The following CNIH3 variants were observed in gnomAD, a reference collection of about 807,000 sequenced individuals.
The protein encoded by CNIH3 is protein cornichon homolog 3.
Under a neutral mutation model 24.1 loss-of-function variants are expected in CNIH3, and 14 were observed. The ratio of observed to expected loss-of-function variants is 0.58; its 90% CI spans 0.38 to 0.91. The LOEUF (loss-of-function observed/expected upper bound fraction) is 0.91. CNIH3 is among the 40% of genes least tolerant of loss of function. The pLI is 0.00. For missense variants in CNIH3, 178 were observed against 196.8 expected (o/e 0.90, Z 0.57); for synonymous variants, 68 against 73.8 (o/e 0.92, Z 0.40).
intron 1 of CNIH3, among the ~76,000 whole-genome samples, chr1:224,655,597 G>A (rs1685059701): frequency 6.6e-6 from 1 of 152,192 alleles, no homozygotes; most frequent in African/African-American, 2.4e-5. Context: ...TGGAACACTA[G>A]GCCTTTCCTG....
chr1:224,544,594 T>C (rs1679632811), intron 2 of CNIH3, among the ~76,000 whole-genome samples: 1 of 151,990 alleles, frequency 6.6e-6, no homozygotes, highest in Non-Finnish European at 1.5e-5. Context: ...ACTCAAAGAT[T>C]GGTAATTTTA....
chr1:224,636,990 C>T (rs1175927538), intron 1 of CNIH3, among the ~76,000 whole-genome samples: 1 of 144,182 alleles, frequency 6.9e-6, no homozygotes, highest in African/African-American at 2.6e-5. Context: ...CTCGCATGGT[C>T]ACCTGGGCTG....
rs145391415 is a variant in CNIH3 at position 224,484,706 on chromosome 1, C to A, written n.204-31035C>A. On this transcript the variant is annotated intron_variant and non_coding_transcript_variant, in intron 1 of 5. Transcript: ENST00000471578. ...ATGGATGCTCTTCTCTGTGTTTCATCTTGGATATTTTGTGTTGATGTCTTC... is the reference window on the plus strand; with the variant it reads ...ATGGATGCTCTTCTCTGTGTTTCATATTGGATATTTTGTGTTGATGTCTTC... Among the ~76,000 whole-genome samples the A allele has an allele frequency of 3.0e-3, 460 of 152,230 alleles. 1 individual carries two copies. The highest frequency in any genetic ancestry group is 0.01 in the African/African-American group (427 of 41,548).
intron 1 of CNIH3, among the ~76,000 whole-genome samples, chr1:224,499,320 G>T (rs1677562170): frequency 6.6e-6 from 1 of 152,094 alleles, no homozygotes; most frequent in African/African-American, 2.4e-5. Flanking sequence ...GCAGGCCATT[G>T]GTTCTGATAA....
At chr1:224,472,592 C>T (rs146226795) in intron 1 of CNIH3, among the ~76,000 whole-genome samples, 1,604 of 152,160 alleles carry the variant, frequency 0.011, 12 homozygotes, top group Non-Finnish European at 0.015. Context: ...GCTATCAGGA[C>T]GCAAAGGCAT....
chr1:224,629,025 G>A (rs1254034544), intron 1 of CNIH3, among the ~76,000 whole-genome samples: 1 of 146,840 alleles, frequency 6.8e-6, no homozygotes, highest in Non-Finnish European at 1.5e-5. Flanking sequence ...TTCACCCCCC[G>A]AGACAGAATC....
rs1401791707 is a variant in CNIH3, at chr1:224,461,007, CT to C, written n.203+26158del. On this transcript the variant is annotated intron_variant and non_coding_transcript_variant, in intron 1 of 5. Transcript: ENST00000471578. Reference sequence around the variant, plus strand: ...ATATTTTATTTAAATTTAATTTTTTCTTTTTTTTTTTTTGAGATGGAGTCTC... The same window carrying C: ...ATATTTTATTTAAATTTAATTTTTTCTTTTTTTTTTTTGAGATGGAGTCTC... 1.5e-3 allele frequency among the ~76,000 whole-genome samples: 206 copies of C among 141,566 alleles called. No individual in the cohort carries two copies. The Middle Eastern group carries it at 0.015, about 11-fold the overall frequency. 92.9% of individuals were successfully genotyped at this position (141,566 alleles called of 152,430 possible).
chr1:224,652,309 TG>T (rs1684897079), intron 1 of CNIH3, among the ~76,000 whole-genome samples: 1 of 151,464 alleles, frequency 6.6e-6, no homozygotes, highest in Non-Finnish European at 1.5e-5. Flanking sequence ...GGACATAAGG[TG>T]GGGGAGTATA....
At chr1:224,473,172 C>T (rs1025294660) in intron 1 of CNIH3, among the ~76,000 whole-genome samples, 5 of 151,950 alleles carry the variant, frequency 3.3e-5, no homozygotes, top group East Asian at 1.9e-4. Flanking sequence ...AATTTAAAAA[C>T]GTACAATGGA....
At chr1:224,492,933 T>C (rs1677289270) in intron 1 of CNIH3, among the ~76,000 whole-genome samples, 1 of 152,212 alleles carries the variant, frequency 6.6e-6, no homozygotes, top group Non-Finnish European at 1.5e-5. Context: ...CATCTGTTGA[T>C]AGTAAGACTG....
intron 3 of CNIH3, among the ~76,000 whole-genome samples, chr1:224,705,883 C>T (rs1371302907): frequency 3.5e-5 from 4 of 113,180 alleles, no homozygotes; most frequent in Non-Finnish European, 7.2e-5. Context: ...TTGAGCTGAA[C>T]CTACCCATTC....
At chr1:224,648,151 A>G (rs955464501) in intron 1 of CNIH3, among the ~76,000 whole-genome samples, 2 of 152,054 alleles carry the variant, frequency 1.3e-5, no homozygotes, top group East Asian at 1.9e-4. Flanking sequence ...TGTAATCCCA[A>G]CACTTTGGGA....
At chr1:224,477,376 T>A (rs112253931) in intron 1 of CNIH3, among the ~76,000 whole-genome samples, 243 of 152,342 alleles carry the variant, frequency 1.6e-3, no homozygotes, top group African/African-American at 5.7e-3. Flanking sequence ...TTCAAACAAA[T>A]TCTTTAGGAG....
At chr1:224,581,756 A>G (rs919067189) in intron 4 of CNIH3, among the ~76,000 whole-genome samples, 7 of 152,192 alleles carry the variant, frequency 4.6e-5, no homozygotes, top group African/African-American at 1.2e-4. Flanking sequence ...TTTTCTCGGA[A>G]GATGATTTAA....
chr1:224,446,309 G>A (rs1371009266), intron 1 of CNIH3, among the ~76,000 whole-genome samples: 1 of 134,452 alleles, frequency 7.4e-6, no homozygotes, highest in Non-Finnish European at 1.6e-5. Flanking sequence ...AAAACAATTT[G>A]TCAAATTTTG....
intron 1 of CNIH3, among the ~76,000 whole-genome samples, chr1:224,628,511 C>T (rs1683655427): frequency 6.6e-6 from 1 of 152,072 alleles, no homozygotes; most frequent in South Asian, 2.1e-4. Context: ...TTCTAGACAC[C>T]ACATATAAGT....
At chr1:224,456,126 G>A (rs973211995) in intron 1 of CNIH3, among the ~76,000 whole-genome samples, 6 of 152,198 alleles carry the variant, frequency 3.9e-5, no homozygotes, top group Non-Finnish European at 8.8e-5. Context: ...GTCAGAAATC[G>A]TGGAAGTCAC....
chr1:224,643,329 T>A (rs1684449832), intron 1 of CNIH3, among the ~76,000 whole-genome samples: 1 of 152,256 alleles, frequency 6.6e-6, no homozygotes, highest in South Asian at 2.1e-4. Context: ...GTGCATTTTA[T>A]TTGCAGCATC....
At position 224,585,652 on chromosome 1, in the gene CNIH3, C is replaced by CT. The variant is rs201787338; in HGVS notation, n.620+2397dup. On this transcript the variant is annotated intron_variant and non_coding_transcript_variant, in intron 5 of 5. Transcript: ENST00000471578. ...TCACCACACCTGGATAATTTAAAAA[C>CT]TTTTTTTTTTTTGTAGAGATGGGGG... Among the ~76,000 whole-genome samples, 168 of 145,512 alleles carry CT rather than the reference C, an allele frequency of 1.2e-3. 1 individual carries two copies. The Middle Eastern group carries it at 0.021, about 19-fold the overall frequency.
Sources: allele counts gnomAD v4.1 joint callset (sites outside exome capture counted in the v4.1 genomes callset), GRCh38; gene constraint gnomAD v4.1.1; transcripts MANE v1.5; gene names NCBI Gene and HGNC (gene_info 2026-07-23, HGNC 2026-07-21).